Variants in CATSPER1 observed in about 807,000 individuals in gnomAD.
The protein encoded by CATSPER1 is cation channel sperm associated 1, also known as cation channel sperm-associated protein 1.
CATSPER1 carries 57 observed loss-of-function variants against 72.7 expected under a neutral mutation model. That is an observed-to-expected ratio of 0.78 (90% confidence interval 0.63 to 0.98). The LOEUF (loss-of-function observed/expected upper bound fraction) is 0.98. Ranked by LOEUF, CATSPER1 falls within the 50% of genes least tolerant of loss-of-function variation. The pLI is 0.00. For missense variants in CATSPER1, 910 were observed against 1,033.9 expected (o/e 0.88, Z 1.64); for synonymous variants, 363 against 403.0 (o/e 0.90, Z 1.19).
Position 66,025,760 on chromosome 11 carries a change from G to A in CATSPER1, c.620C>T (p.Ser207Phe), listed in dbSNP as rs1458544254. ...ACGGTGGGGGACTTGGTGATGCTGG[G>A]ACTCATCGTGTTGGAGCCCGCTAAG... ...SHLSGLQHDE[S>F]QHHQVPHRGW... is the part of the protein sequence containing the mutation. Residue 207 changes from serine to phenylalanine, a missense_variant, in exon 1 of 12, where the codon TCC becomes TTC. Physicochemically the swap from Ser to Phe is radical, Grantham distance 155. Transcript: ENST00000312106. 6.2e-7 allele frequency: 1 copy of A among 1,613,746 alleles called. No homozygotes were observed. Among genetic ancestry groups the A allele is most frequent in the Non-Finnish European group, 8.5e-7 (1 of 1,179,926 alleles).
At position 66,025,743 on chromosome 11, in the gene CATSPER1, G is replaced by A; in HGVS notation, c.637C>T (p.Pro213Ser). The A allele has an allele frequency of 6.2e-7, 1 of 1,613,970 alleles. No individual in the cohort carries two copies. Among genetic ancestry groups the A allele is most frequent in the Non-Finnish European group, 8.5e-7 (1 of 1,179,988 alleles). ...TGATGGTGGGGCCAGCCACGGTGGGGGACTTGGTGATGCTGGGACTCATCG... is the reference window on the plus strand; with the variant it reads ...TGATGGTGGGGCCAGCCACGGTGGGAGACTTGGTGATGCTGGGACTCATCG... ...QHDESQHHQV[P>S]HRGWPHHHQV... Residue 213 changes from proline to serine, a missense_variant, in exon 1 of 12, where the codon CCC (proline) becomes TCC (serine). Pro to Ser is a moderately conservative substitution (Grantham distance 74). Coordinates refer to ENST00000312106, the MANE Select transcript of CATSPER1 (RefSeq NM_053054.4).
rs78176275 is a variant in CATSPER1, at chr11:66,023,945, T to C, written c.1217-884A>G. Among the ~76,000 whole-genome samples the C allele has an allele frequency of 4.1e-3, 621 of 151,526 alleles. 4 individuals carry two copies. Among genetic ancestry groups the C allele is most frequent in the African/African-American group, 0.014 (596 of 41,308 alleles). Reference sequence around the variant, plus strand: ...GCCCCTCTCTGCTTGTTCCTGAGACTGTTGTCATATTTTGTTTGTTGTTGT... The same window carrying C: ...GCCCCTCTCTGCTTGTTCCTGAGACCGTTGTCATATTTTGTTTGTTGTTGT... On this transcript the variant is annotated intron_variant, in intron 1 of 11. Transcript: ENST00000312106.
At chr11:66,024,492 C>G (rs574243937) in intron 1 of CATSPER1, among the ~76,000 whole-genome samples, 9 of 152,202 alleles carry the variant, frequency 5.9e-5, no homozygotes, top group Admixed American at 3.3e-4. Context: ...GTTGGCCAGG[C>G]TGGTCTTGAA....
chr11:66,024,246 G>A (rs1856442679), intron 1 of CATSPER1, among the ~76,000 whole-genome samples: 1 of 145,696 alleles, frequency 6.9e-6, no homozygotes, highest in Non-Finnish European at 1.5e-5. Context: ...GATTACAGAT[G>A]TGAGCCATCG....
Position 66,023,048 on chromosome 11 carries a change from C to T in CATSPER1, c.1230G>A (p.Gln410=). 1 of 1,614,128 alleles carries T rather than the reference C, an allele frequency of 6.2e-7. No homozygotes were observed. Among genetic ancestry groups the T allele is most frequent in the South Asian group, 1.1e-5 (1 of 91,086 alleles). The change falls in exon 2 of 12, where the codon CAG becomes CAA. Residue 410 remains glutamine (Q), a synonymous_variant. Coordinates refer to ENST00000312106, the MANE Select transcript of CATSPER1 (RefSeq NM_053054.4). ...QFQKRKTGRL[Q]RTRKKGHSTN... ...TAGAGTGTCCCTTCTTGCGGGTCCG[C>T]TGGAGCCGGCCGGCTGAAAGGAACA...
chr11:66,019,711 C>T (rs1856313520), intron 9 of CATSPER1, among the ~76,000 whole-genome samples: 1 of 151,832 alleles, frequency 6.6e-6, no homozygotes, highest in Non-Finnish European at 1.5e-5. Flanking sequence ...GCCTGGCCAA[C>T]CTGGTGTAAC....
Position 66,021,791 on chromosome 11 carries a change from G to A in CATSPER1, c.1518C>T (p.Tyr506=). 1 of 1,614,134 alleles carries A rather than the reference G, an allele frequency of 6.2e-7. No individual in the cohort carries two copies. Among genetic ancestry groups the A allele is most frequent in the Non-Finnish European group, 8.5e-7 (1 of 1,180,010 alleles). ...LLKIIALGLS[Y]FFDFWNNLDF... ...CCAAATTGTTCCAGAAGTCAAAGAA[G>A]TACGAGAGGCCCAGGGCGATGATCT... Residue 506 remains tyrosine, a synonymous_variant, in exon 3 of 12, where the codon TAC becomes TAT. Coordinates refer to ENST00000312106, the MANE Select transcript of CATSPER1 (RefSeq NM_053054.4).
chr11:66,017,087 G>C lies in CATSPER1; in HGVS notation c.2289C>G (p.Ile763Met). The change falls in exon 11 of 12, where the codon ATC becomes ATG. Residue 763 changes from isoleucine to methionine, a missense_variant. Ile to Met is a conservative substitution (Grantham distance 10, BLOSUM62 1). Coordinates refer to ENST00000312106, the MANE Select transcript of CATSPER1 (RefSeq NM_053054.4). ...CAAATGTGGTGTCCACAATCTCATC[G>C]ATGACGGCTGCCTGGGAGCGGAACT... ...QQKFRSQAAV[I>M]DEIVDTTFEA... 1 of 1,613,484 alleles carries C rather than the reference G, an allele frequency of 6.2e-7. No individual in the cohort carries two copies.
rs1357935624 is a variant in CATSPER1 at position 66,020,788 on chromosome 11, C to T, written c.1927+23G>A. 1.2e-6 allele frequency: 2 copies of T among 1,613,674 alleles called. No homozygotes were observed. The highest frequency in any genetic ancestry group is 1.7e-5 in the Admixed American group (1 of 60,012). ...CCACCCCGCCAATCCCCGGCCCTCC[C>T]TGCAGCCTGGGGCCTGCCCTACCCT... On this transcript the variant is annotated intron_variant, in intron 6 of 11. Coordinates refer to ENST00000312106, the MANE Select transcript of CATSPER1 (RefSeq NM_053054.4). This position sits in a 1 kb window ranked among gnomAD's most constrained non-coding sequence, Gnocchi z 4.5.
Position 66,022,711 on chromosome 11 carries a change from G to A in CATSPER1, c.1429+138C>T. 4 of 801,580 alleles carry A rather than the reference G, an allele frequency of 5.0e-6. 1 individual carries two copies. The highest frequency in any genetic ancestry group is 4.5e-5 in the South Asian group (3 of 65,982). 49.7% of individuals were successfully genotyped at this position (801,580 alleles called of 1,614,324 possible). On this transcript the variant is annotated intron_variant, in intron 2 of 11. Coordinates refer to ENST00000312106, the MANE Select transcript of CATSPER1 (RefSeq NM_053054.4). ...CTTTCTGAGACGCTCTCTAATACTGGGTAAGGCCATCTACTTCCCAGGGGT... is the reference window on the plus strand; with the variant it reads ...CTTTCTGAGACGCTCTCTAATACTGAGTAAGGCCATCTACTTCCCAGGGGT...
In CATSPER1 at chr11:66,026,403, CA is replaced by C. The variant is rs3841469; in HGVS notation, c.-25del. The C allele has an allele frequency of 0.24, 385,263 of 1,609,814 alleles. 49,976 individuals are homozygous for C. The highest frequency in any genetic ancestry group is 0.41 in the Admixed American group (24,501 of 59,986). ...ATGACTGTGCTGGGAACTCTGGAGC[CA>C]AAAGAGCTCAAGACCTGGGCCCAAC... On this transcript the variant is annotated 5_prime_UTR_variant, in exon 1 of 12. Coordinates refer to ENST00000312106, the MANE Select transcript of CATSPER1 (RefSeq NM_053054.4).
In CATSPER1 at chr11:66,025,490, C is replaced by G. The variant is rs370635615; in HGVS notation, c.890G>C (p.Arg297Pro). The G allele has an allele frequency of 1.9e-6, 3 of 1,609,688 alleles. No individual in the cohort carries two copies. In the African/African-American group the frequency reaches 4.0e-5, roughly 22 times the overall value. The part of the protein sequence containing the change: ...QHHYHQTHRH[R>P]DYHQHQDHHG... Reference sequence around the variant, plus strand: ...GTGGTCTTGGTGCTGATGGTAGTCTCGGTGCCGGTGGGTCTGGTGGTAGTG... The same window carrying G: ...GTGGTCTTGGTGCTGATGGTAGTCTGGGTGCCGGTGGGTCTGGTGGTAGTG... The change falls in exon 1 of 12, where the codon CGA (arginine) becomes CCA (proline). Residue 297 changes from arginine (R) to proline (P), a missense_variant. Transcript: ENST00000312106.
In CATSPER1 at chr11:66,025,363, G is replaced by A. The variant is rs780744408; in HGVS notation, c.1017C>T (p.Pro339=). Residue 339 remains proline (P), a synonymous_variant, in exon 1 of 12, where the codon CCC becomes CCT. Coordinates refer to ENST00000312106, the MANE Select transcript of CATSPER1 (RefSeq NM_053054.4). ...CTCCTGTACGAGAAGCAGCAGGGCCGGGGGCATCGTGAATCAGGCTCCGGG... is the reference window on the plus strand; with the variant it reads ...CTCCTGTACGAGAAGCAGCAGGGCCAGGGGCATCGTGAATCAGGCTCCGGG... The part of the protein sequence containing the change: ...HTSRSLIHDA[P]GPAASRTGVF... 1.7e-5 allele frequency: 27 copies of A among 1,613,990 alleles called. No individual in the cohort carries two copies. In the African/African-American group the frequency reaches 1.7e-4, roughly 10 times the overall value.
At chr11:66,024,082 C>T (rs1169075307) in intron 1 of CATSPER1, among the ~76,000 whole-genome samples, 1 of 150,664 alleles carries the variant, frequency 6.6e-6, no homozygotes, top group African/African-American at 2.4e-5. Flanking sequence ...TCCTGCCTCA[C>T]CCTCCTGTGT....
At chr11:66,023,843 A>G (rs749702884) in intron 1 of CATSPER1, among the ~76,000 whole-genome samples, 3 of 151,422 alleles carry the variant, frequency 2.0e-5, no homozygotes, top group Non-Finnish European at 4.4e-5. Context: ...TGGTAAACTT[A>G]TCCTCTCCCT....
chr11:66,020,795 C>G lies in CATSPER1; in HGVS notation c.1927+16G>C, dbSNP rs1375939221. On this transcript the variant is annotated intron_variant, in intron 6 of 11. Coordinates refer to ENST00000312106, the MANE Select transcript of CATSPER1 (RefSeq NM_053054.4). The surrounding 1 kb of genome is among the most constrained non-coding windows in gnomAD (Gnocchi z 4.5). ...GCCAATCCCCGGCCCTCCCTGCAGC[C>G]TGGGGCCTGCCCTACCCTGGGCACG... 1.2e-6 allele frequency: 2 copies of G among 1,613,580 alleles called. No individual in the cohort carries two copies. The highest frequency in any genetic ancestry group is 2.2e-5 in the South Asian group (2 of 91,086).
At chr11:66,017,571 C>G (rs560090751) in intron 10 of CATSPER1, among the ~76,000 whole-genome samples, 2 of 151,968 alleles carry the variant, frequency 1.3e-5, no homozygotes, top group South Asian at 2.1e-4. Flanking sequence ...AGCCACCCCC[C>G]ACCCACCCAT....
At position 66,023,099 on chromosome 11, in the gene CATSPER1, G is replaced by T. The variant is rs761083713; in HGVS notation, c.1217-38C>A. ...GGGCCAGAAAGTCAAGTGTGTGCAA[G>T]AGGGGACACGAGGTCCCAGGCACCC... On this transcript the variant is annotated intron_variant, in intron 1 of 11. Transcript: ENST00000312106. 1.9e-6 allele frequency: 3 copies of T among 1,568,454 alleles called. No individual in the cohort carries two copies. The African/African-American group carries it at 4.0e-5, about 21-fold the overall frequency.
chr11:66,021,590 A>G lies in CATSPER1; in HGVS notation c.1597T>C (p.Ser533Pro). ...AGGCTTTGGTGGTAGATGGCGAAGG[A>G]GTGGGTCTGCATCAGCAAGAAGTCC... ...VLDFLLMQTH[S>P]FAIYHQSLFR... is the part of the protein sequence containing the mutation. Residue 533 changes from serine to proline, a missense_variant, in exon 4 of 12, where the codon TCC becomes CCC. Coordinates refer to ENST00000312106, the MANE Select transcript of CATSPER1 (RefSeq NM_053054.4). The G allele has an allele frequency of 6.2e-7, 1 of 1,612,448 alleles. No homozygotes were observed. Among genetic ancestry groups the G allele is most frequent in the South Asian group, 1.1e-5 (1 of 90,766 alleles).
Sources: allele counts gnomAD v4.1 joint callset (sites outside exome capture counted in the v4.1 genomes callset), GRCh38; gene constraint gnomAD v4.1.1; non-coding constraint Gnocchi (gnomAD v3.1); transcripts MANE v1.5; gene names NCBI Gene and HGNC (gene_info 2026-07-23, HGNC 2026-07-21).